PTPRT: variants seen among roughly 807,000 people sequenced by gnomAD.
The protein encoded by PTPRT is receptor-type tyrosine-protein phosphatase T.
Under a neutral mutation model 176.8 loss-of-function variants are expected in PTPRT, and 56 were observed. That is an observed-to-expected ratio of 0.32 (90% CI 0.26 to 0.40). The LOEUF is 0.40. PTPRT is among the 10% of genes least tolerant of loss of function. The probability of loss-of-function intolerance (pLI) is 1.00; values close to 1 mark genes in which losing one functional copy is unlikely to be tolerated. For synonymous variants in PTPRT, 783 were observed against 739.0 expected (o/e 1.06, Z -0.96); for missense variants, 1,540 against 1,908.2 (o/e 0.81, Z 3.60).
At chr20:43,019,415 T>C (rs149411016) in intron 1 of PTPRT, among the ~76,000 whole-genome samples, 1,572 of 152,014 alleles carry the variant, frequency 0.01, 14 homozygotes, top group Middle Eastern at 0.017. Flanking sequence ...GGTCAGGAGA[T>C]TGACACCATC....
intron 6 of PTPRT, among the ~76,000 whole-genome samples, chr20:42,742,033 G>T (rs1482640872): frequency 2.0e-5 from 3 of 152,276 alleles, no homozygotes; most frequent in African/African-American, 4.8e-5. Context: ...AAAGGTGGCG[G>T]TCAGCTCACA....
intron 28 of PTPRT, among the ~76,000 whole-genome samples, 162 bp from the exon 29 acceptor site, chr20:42,085,007 G>A (rs1174347887): frequency 6.6e-6 from 1 of 152,100 alleles, no homozygotes; most frequent in African/African-American, 2.4e-5. Flanking sequence ...CTATTCCTTC[G>A]TGTACACAGA....
chr20:43,087,911 C>G (rs114214022), intron 1 of PTPRT, among the ~76,000 whole-genome samples: 1 of 151,928 alleles, frequency 6.6e-6, no homozygotes, highest in Non-Finnish European at 1.5e-5. Flanking sequence ...TGGATGGGAG[C>G]GAGATTCATT....
At chr20:42,386,834 T>C (rs1466811725) in intron 9 of PTPRT, among the ~76,000 whole-genome samples, 1 of 152,132 alleles carries the variant, frequency 6.6e-6, no homozygotes, top group Non-Finnish European at 1.5e-5. Context: ...CATTCCAGCC[T>C]GGGCGACAGA....
chr20:42,962,270 A>G (rs1035773626), intron 1 of PTPRT, among the ~76,000 whole-genome samples: 23 of 152,236 alleles, frequency 1.5e-4, no homozygotes, highest in African/African-American at 5.3e-4. Flanking sequence ...GAACAACATA[A>G]TAAATGCAGA....
chr20:42,535,360 A>G (rs1349703706), intron 7 of PTPRT, among the ~76,000 whole-genome samples: 2 of 152,142 alleles, frequency 1.3e-5, no homozygotes, highest in East Asian at 1.9e-4. Flanking sequence ...ATCAAAGACT[A>G]TCTTATAGGG....
intron 7 of PTPRT, among the ~76,000 whole-genome samples, chr20:42,577,941 G>A (rs1466220321): frequency 1.4e-5 from 2 of 146,442 alleles, no homozygotes; most frequent in African/African-American, 5.2e-5. Context: ...GTGTGTGTGT[G>A]TGTGTGTGTG....
chr20:42,140,888 GT>G (rs1445975321), intron 18 of PTPRT, among the ~76,000 whole-genome samples: 1 of 152,180 alleles, frequency 6.6e-6, no homozygotes, highest in Admixed American at 6.5e-5. Context: ...TGTAGCAAGA[GT>G]TTTATGTACC....
chr20:42,894,051 G>C (rs2079247885), intron 1 of PTPRT, among the ~76,000 whole-genome samples: 1 of 144,646 alleles, frequency 6.9e-6, no homozygotes, highest in African/African-American at 2.5e-5. Context: ...AAAAAAAAAA[G>C]AACATTTGCT....
At chr20:42,602,300 T>C (rs144489426) in intron 7 of PTPRT, among the ~76,000 whole-genome samples, 7 of 152,242 alleles carry the variant, frequency 4.6e-5, no homozygotes, top group African/African-American at 1.7e-4. Context: ...CTCCTGCAAG[T>C]CTTGGGAGAG....
rs929999852 is a variant in PTPRT at position 42,211,910 on chromosome 20, A to G, written c.2343-12522T>C. Among the ~76,000 whole-genome samples, 473 of 151,476 alleles carry G rather than the reference A, an allele frequency of 3.1e-3. 2 individuals are homozygous for G. The highest frequency in any genetic ancestry group is 0.011 in the African/African-American group (452 of 41,090). ...TTGGAACCAACCCAAATGTCCAACA[A>G]TGATAGACTGGATTAAGAAAATGTG... On this transcript the variant is annotated intron_variant, in intron 15 of 30. Coordinates refer to ENST00000373187, the MANE Select transcript of PTPRT (RefSeq NM_007050.6).
intron 1 of PTPRT, among the ~76,000 whole-genome samples, chr20:43,045,738 C>T (rs1986812465): frequency 6.6e-6 from 1 of 151,568 alleles, no homozygotes; most frequent in South Asian, 2.1e-4. Flanking sequence ...GCCAGAATTA[C>T]AGGTGTGAGC....
chr20:42,054,368 C>T, the PTPRT span, among the ~76,000 whole-genome samples: 1 of 152,128 alleles, frequency 6.6e-6, no homozygotes. Context: ...ATCCAAGCTT[C>T]TAAGTAGATA....
chr20:43,016,024 G>C (rs982752573), intron 1 of PTPRT, among the ~76,000 whole-genome samples: 3 of 151,628 alleles, frequency 2.0e-5, no homozygotes, highest in African/African-American at 7.3e-5. Flanking sequence ...ATCCCAGATG[G>C]TTCCAGACCA....
intron 1 of PTPRT, among the ~76,000 whole-genome samples, chr20:43,138,318 G>A (rs144667461): frequency 0.013 from 2,031 of 152,308 alleles, 24 homozygotes; most frequent in Non-Finnish European, 0.017. Flanking sequence ...GGCCCAGGCC[G>A]CCCTGTTTGG....
intron 3 of PTPRT, among the ~76,000 whole-genome samples, chr20:42,784,480 AC>A (rs1201992780): frequency 6.6e-6 from 1 of 152,258 alleles, no homozygotes; most frequent in East Asian, 1.9e-4. Flanking sequence ...GCCCAAGGAG[AC>A]CTGTATAAGA....
chr20:42,438,490 A>G (rs1199436658), intron 9 of PTPRT, among the ~76,000 whole-genome samples: 1 of 152,222 alleles, frequency 6.6e-6, no homozygotes, highest in Non-Finnish European at 1.5e-5. Flanking sequence ...TAACTCTCCA[A>G]TGAAATAGAA....
At chr20:42,505,051 T>C (rs572899132) in intron 7 of PTPRT, among the ~76,000 whole-genome samples, 10 of 151,538 alleles carry the variant, frequency 6.6e-5, no homozygotes, top group Non-Finnish European at 7.4e-5. Flanking sequence ...TGACCCCCTA[T>C]AAAAAAGGCA....
At chr20:42,227,832 C>T (rs2056053236) in intron 15 of PTPRT, among the ~76,000 whole-genome samples, 1 of 152,102 alleles carries the variant, frequency 6.6e-6, no homozygotes, top group African/African-American at 2.4e-5. Flanking sequence ...TGGTCTCAAA[C>T]TCCTGACCTC....
Sources: gnomAD v4.1 joint callset for allele counts (sites outside exome capture counted in the v4.1 genomes callset) on GRCh38, gnomAD v4.1.1 for gene constraint, MANE v1.5 for transcripts, NCBI Gene and HGNC (gene_info 2026-07-23, HGNC 2026-07-21) for gene names.